Variants in NTMT1 observed in about 807,000 individuals in gnomAD.
NTMT1 encodes N-terminal RCC1 methyltransferase.
NTMT1 carries 8 observed loss-of-function variants against 17.5 expected under a neutral mutation model. The observed-to-expected ratio is 0.46, with a 90% CI of 0.27 to 0.82. The LOEUF is 0.82. NTMT1 is among the 40% of genes least tolerant of loss of function. NTMT1 has a pLI of 0.15. For synonymous variants in NTMT1, 128 were observed against 126.8 expected, an observed-to-expected ratio of 1.01 and a Z score of -0.06; for missense variants, 221 against 303.5, an observed-to-expected ratio of 0.73 and a Z score of 2.02.
chr9:129,631,875 C>G (rs922583240), intron 1 of NTMT1, among the ~76,000 whole-genome samples: 5 of 152,218 alleles, frequency 3.3e-5, no homozygotes, highest in African/African-American at 1.2e-4. Flanking sequence ...TGCAGCCCTC[C>G]CTGCAGGTGT....
At chr9:129,631,835 C>T (rs576077387) in intron 1 of NTMT1, among the ~76,000 whole-genome samples, 76 of 152,220 alleles carry the variant, frequency 5.0e-4, no homozygotes, top group Non-Finnish European at 9.7e-4. Context: ...TTCCTCCCTC[C>T]GTGCTCTGCT....
chr9:129,623,345 A>AGAAAGAAG (rs1554775225), upstream of NTMT1, among the ~76,000 whole-genome samples: 2 of 142,706 alleles, frequency 1.4e-5, no homozygotes, highest in Non-Finnish European at 3.0e-5. Context: ...AAAAAAAAAA[A>AGAAAGAAG]GAAGGAAGGA....
chr9:129,619,584 T>A (rs1564338232), intron 1 of NTMT1: 1 of 1,614,018 alleles, frequency 6.2e-7, no homozygotes, highest in Non-Finnish European at 8.5e-7. Flanking sequence ...AGAATAGGTG[T>A]CTGCTGGAGC....
At chr9:129,615,519 T>C in intron 1 of NTMT1, 1 of 1,610,372 alleles carries the variant, frequency 6.2e-7, no homozygotes, top group Non-Finnish European at 8.5e-7. Context: ...GAGCGTTGTG[T>C]CCTGCAGGGT....
chr9:129,616,901 G>A (rs550488911), intron 1 of NTMT1, among the ~76,000 whole-genome samples: 1 of 152,034 alleles, frequency 6.6e-6, no homozygotes, highest in Non-Finnish European at 1.5e-5. Flanking sequence ...TGAAACCCCC[G>A]TCTCTACCAA....
intron 1 of NTMT1, among the ~76,000 whole-genome samples, chr9:129,627,209 G>C (rs1386249857): frequency 6.6e-6 from 1 of 152,190 alleles, no homozygotes; most frequent in Non-Finnish European, 1.5e-5. Context: ...GGAAGCCCTA[G>C]GATCACAAGG....
At chr9:129,617,152 G>T (rs182768962) in intron 1 of NTMT1, among the ~76,000 whole-genome samples, 217 of 152,370 alleles carry the variant, frequency 1.4e-3, no homozygotes, top group African/African-American at 5.0e-3. Context: ...ATGGAGGAAG[G>T]TCATGGCTGA....
rs563754481 is a variant in NTMT1 at position 129,613,378 on chromosome 9, G to C, written c.-55+4200G>C. 21 of 1,596,634 alleles carry C rather than the reference G, an allele frequency of 1.3e-5. No homozygotes were observed. In the African/African-American group the frequency reaches 2.4e-4, roughly 18 times the overall value. On this transcript the variant is annotated intron_variant, in intron 1 of 3. Coordinates refer to the NTMT1 transcript ENST00000372486. This position sits in a 1 kb window ranked among gnomAD's most constrained non-coding sequence, Gnocchi z 6.2. ...CTGGGTGGGGAGGTCTGTAGGCAAG[G>C]GGGGTGGAGGGCCCTGGCAATGTCC...
intron 1 of NTMT1, among the ~76,000 whole-genome samples, chr9:129,617,679 TTTTG>T (rs200792622): frequency 0.057 from 8,709 of 152,136 alleles, 308 homozygotes; most frequent in South Asian, 0.097. Context: ...GTTTCACTGT[TTTTG>T]TTTGTTTGTT....
At chr9:129,619,522 G>C (rs142282249) in intron 1 of NTMT1, 12 of 1,610,532 alleles carry the variant, frequency 7.5e-6, no homozygotes, top group Non-Finnish European at 1.0e-5. Flanking sequence ...TCACTCACTG[G>C]TTGGCCTTTC....
At chr9:129,622,745 G>C (rs538979216), upstream of NTMT1, among the ~76,000 whole-genome samples, 4 of 152,008 alleles carry the variant, frequency 2.6e-5, no homozygotes, top group Admixed American at 1.3e-4. Context: ...AAAAAAAAGA[G>C]GCCAGGTTCC....
In NTMT1 at chr9:129,613,774, G is replaced by C. The variant is rs1830206799; in HGVS notation, c.-55+4596G>C. The stretch of plus-strand genomic sequence containing the variant: ...AAGCCTTGGGTTTTAAAACCACCTT[G>C]CGTGACCATTTCTGTTATACCCAAG... On this transcript the variant is annotated intron_variant, in intron 1 of 3. Transcript: ENST00000372486. The surrounding 1 kb of genome is among the most constrained non-coding windows in gnomAD (Gnocchi z 6.2). Among the ~76,000 whole-genome samples the C allele has an allele frequency of 6.6e-6, 1 of 152,200 alleles. No individual in the cohort carries two copies. The highest frequency in any genetic ancestry group is 1.9e-4 in the East Asian group (1 of 5,182).
At position 129,619,683 on chromosome 9, in the gene NTMT1, C is replaced by T. The variant is rs200929178; in HGVS notation, c.-55+10505C>T. 6.2e-6 allele frequency: 10 copies of T among 1,612,336 alleles called. No individual in the cohort carries two copies. In the East Asian group the frequency reaches 1.8e-4, roughly 29 times the overall value. ...TCTGGCATGAGTGGCCAGGCTGTCC[C>T]GCCCTGGAAACATCGATGGCAACCC... On this transcript the variant is annotated intron_variant, in intron 1 of 3. Transcript: ENST00000372486.
intron 1 of NTMT1, among the ~76,000 whole-genome samples, chr9:129,609,677 G>A (rs1830068879): frequency 6.6e-6 from 1 of 151,882 alleles, no homozygotes; most frequent in African/African-American, 2.4e-5. Context: ...TAGGCCCCCG[G>A]AGGGCCCCCG....
At chr9:129,622,614 C>T (rs1338679567), upstream of NTMT1, among the ~76,000 whole-genome samples, 7 of 152,052 alleles carry the variant, frequency 4.6e-5, no homozygotes, top group Non-Finnish European at 1.0e-4. Flanking sequence ...ATGAAACACA[C>T]ACATATCTAT....
Position 129,620,017 on chromosome 9 carries a change from C to T in NTMT1, c.-55+10839C>T. The T allele has an allele frequency of 2.1e-6, 3 of 1,459,660 alleles. No homozygotes were observed. In the South Asian group the frequency reaches 4.3e-5, roughly 21 times the overall value. 90.4% of individuals were successfully genotyped at this position (1,459,660 alleles called of 1,614,324 possible). On this transcript the variant is annotated intron_variant, in intron 1 of 3. Coordinates refer to the NTMT1 transcript ENST00000372486. The surrounding 1 kb of genome is among the most constrained non-coding windows in gnomAD (Gnocchi z 5.8). ...GGGTGCGGGGACACAAGGGACCACC[C>T]CCCACCGGAAATGACTCGGGCCCGC...
At chr9:129,631,304 C>G (rs1208339816) in intron 1 of NTMT1, among the ~76,000 whole-genome samples, 2 of 152,228 alleles carry the variant, frequency 1.3e-5, no homozygotes, top group African/African-American at 4.8e-5. Flanking sequence ...GACTAGAGCT[C>G]TCTGAGGTCT....
intron 1 of NTMT1, among the ~76,000 whole-genome samples, chr9:129,612,723 CAAA>C (rs1055969785): frequency 3.3e-5 from 5 of 152,100 alleles, no homozygotes; most frequent in Non-Finnish European, 5.9e-5. Context: ...ACCGAAAATA[CAAA>C]AATTAGCTGG....
At chr9:129,628,439 C>G (rs1830997423) in intron 1 of NTMT1, 1 of 152,236 alleles carries the variant, frequency 6.6e-6, no homozygotes, top group Non-Finnish European at 1.5e-5. Context: ...TTAAAGGAAT[C>G]ATGTTACAAG....
Sources: gnomAD v4.1 joint callset for allele counts (sites outside exome capture counted in the v4.1 genomes callset) on GRCh38, gnomAD v4.1.1 for gene constraint, Gnocchi (gnomAD v3.1) non-coding constraint, MANE v1.5 for transcripts, NCBI Gene and HGNC (gene_info 2026-07-23, HGNC 2026-07-21) for gene names.